Variants in CTNNA2 observed in about 807,000 individuals in gnomAD.
CTNNA2 encodes the protein catenin alpha 2.
In CTNNA2, 42 loss-of-function variants were observed where a neutral mutation model predicts 101.0. The observed-to-expected ratio is 0.42, with a 90% CI of 0.32 to 0.54. The LOEUF (loss-of-function observed/expected upper bound fraction) is 0.54, where lower values mean the gene tolerates loss of function less well. CTNNA2 is among the 20% of genes least tolerant of loss of function. The pLI is 0.14. For missense variants in CTNNA2, 871 were observed against 1,223.1 expected (o/e 0.71, Z 4.29); for synonymous variants, 450 against 456.4 (o/e 0.99, Z 0.18).
intron 2 of CTNNA2, among the ~76,000 whole-genome samples, chr2:79,692,424 A>T (rs1443702386): frequency 2.0e-5 from 3 of 152,194 alleles, no homozygotes; most frequent in Non-Finnish European, 4.4e-5. Flanking sequence ...GGTTGGTAGA[A>T]GTATAAATTA....
chr2:80,593,591 AC>A (rs1218430066), intron 15 of CTNNA2, among the ~76,000 whole-genome samples: 1 of 151,844 alleles, frequency 6.6e-6, no homozygotes, highest in Non-Finnish European at 1.5e-5. Context: ...AACCATTACC[AC>A]CCTCCATCTC....
chr2:79,365,493 G>C (rs886739360), intron 3 of CTNNA2, among the ~76,000 whole-genome samples: 2 of 151,480 alleles, frequency 1.3e-5, no homozygotes, highest in African/African-American at 4.9e-5. Context: ...AGGTGTGGTG[G>C]TGCATGCCTG....
chr2:80,260,652 T>C (rs1245269313), intron 7 of CTNNA2, among the ~76,000 whole-genome samples: 2 of 152,170 alleles, frequency 1.3e-5, no homozygotes, highest in Non-Finnish European at 2.9e-5. Flanking sequence ...CCAAGATGCA[T>C]GGATAGGCCA....
At chr2:80,022,793 A>C (rs1694661279) in intron 7 of CTNNA2, among the ~76,000 whole-genome samples, 1 of 152,152 alleles carries the variant, frequency 6.6e-6, no homozygotes, top group Non-Finnish European at 1.5e-5. Flanking sequence ...TGGAGGCAAG[A>C]GAGATTAGTC....
In CTNNA2 at chr2:79,215,887, G is replaced by T. The variant is rs559837975; in HGVS notation, c.-406+17811G>T. On this transcript the variant is annotated intron_variant, in intron 2 of 21. Coordinates refer to the CTNNA2 transcript ENST00000466387. The stretch of plus-strand genomic sequence containing the variant: ...AAGAATTATGACCTAGCTCGGCCTT[G>T]CGAGGAAGGGAGAGGTCAGATGGGT... Among the ~76,000 whole-genome samples, 83 of 152,212 alleles carry T rather than the reference G, an allele frequency of 5.5e-4. 1 individual carries two copies. Among genetic ancestry groups the T allele is most frequent in the African/African-American group, 1.9e-3 (80 of 41,540 alleles).
At chr2:79,768,231 A>G (rs1673303720) in intron 3 of CTNNA2, among the ~76,000 whole-genome samples, 1 of 151,640 alleles carries the variant, frequency 6.6e-6, no homozygotes, top group African/African-American at 2.4e-5. Context: ...TCCCAGTGCC[A>G]GAGGTGCTCT....
At chr2:80,630,858 T>C (rs1478524660) in intron 18 of CTNNA2, among the ~76,000 whole-genome samples, 3 of 152,182 alleles carry the variant, frequency 2.0e-5, no homozygotes, top group Non-Finnish European at 2.9e-5. Flanking sequence ...TTGAAATTAG[T>C]GCTGGGTGAG....
intron 3 of CTNNA2, among the ~76,000 whole-genome samples, chr2:79,837,892 G>A (rs1365756439): frequency 6.6e-6 from 1 of 151,840 alleles, no homozygotes; most frequent in Non-Finnish European, 1.5e-5. Flanking sequence ...TTCCAAACAT[G>A]GCTTATTTTA....
intron 7 of CTNNA2, among the ~76,000 whole-genome samples, chr2:80,206,587 T>C (rs1167327832): frequency 6.6e-6 from 1 of 152,286 alleles, no homozygotes; most frequent in Admixed American, 6.5e-5. Context: ...CTACATATAG[T>C]GCGGGCAGGG....
intron 1 of CTNNA2, among the ~76,000 whole-genome samples, chr2:79,579,537 A>G (rs1392658527): frequency 1.3e-5 from 2 of 152,174 alleles, no homozygotes; most frequent in African/African-American, 2.4e-5. Context: ...TAAAATATAA[A>G]TGTATTTGCT....
intron 2 of CTNNA2, among the ~76,000 whole-genome samples, chr2:79,236,912 A>G (rs570242544): frequency 6.6e-6 from 1 of 152,114 alleles, no homozygotes; most frequent in East Asian, 1.9e-4. Flanking sequence ...GAAATATTGA[A>G]CTCCTCAAGG....
At chr2:80,435,964 C>T (rs919923781) in intron 9 of CTNNA2, among the ~76,000 whole-genome samples, 15 of 152,142 alleles carry the variant, frequency 9.9e-5, no homozygotes, top group African/African-American at 2.9e-4. Flanking sequence ...ATTTCTCTCC[C>T]AATTCTCTGC....
chr2:80,193,867 A>T (rs189449811), intron 7 of CTNNA2, among the ~76,000 whole-genome samples: 1 of 152,318 alleles, frequency 6.6e-6, no homozygotes, highest in Admixed American at 6.5e-5. Context: ...TGAGGACAGG[A>T]TCTGAATGTT....
At chr2:80,419,660 G>A (rs1201345838) in intron 9 of CTNNA2, 59 bp downstream of exon 9, 2 of 1,524,322 alleles carry the variant, frequency 1.3e-6, no homozygotes, top group East Asian at 4.6e-5. Flanking sequence ...TCTGCATATG[G>A]CTCTTAGAAT....
At chr2:80,280,195 A>T (rs564194269) in intron 7 of CTNNA2, among the ~76,000 whole-genome samples, 132 of 149,552 alleles carry the variant, frequency 8.8e-4, no homozygotes, top group Non-Finnish European at 1.4e-3. Flanking sequence ...AATTATTATT[A>T]TTGGCACCAG....
chr2:79,909,086 A>T (rs1483954478), intron 6 of CTNNA2, among the ~76,000 whole-genome samples: 1 of 152,252 alleles, frequency 6.6e-6, no homozygotes, highest in Non-Finnish European at 1.5e-5. Flanking sequence ...ACCTGTACTG[A>T]ATATGCCTGT....
At chr2:80,547,554 A>C (rs555029444) in intron 11 of CTNNA2, among the ~76,000 whole-genome samples, 33 of 152,142 alleles carry the variant, frequency 2.2e-4, no homozygotes, top group African/African-American at 7.7e-4. Context: ...CCAATCTCTA[A>C]TCCCTTTCAG....
At chr2:79,262,742 T>C (rs2104288868) in intron 2 of CTNNA2, among the ~76,000 whole-genome samples, 1 of 152,304 alleles carries the variant, frequency 6.6e-6, no homozygotes, top group South Asian at 2.1e-4. Flanking sequence ...TTCTGACACC[T>C]ACTGAGATTT....
At chr2:80,164,072 A>T (rs543926207) in intron 7 of CTNNA2, among the ~76,000 whole-genome samples, 1 of 151,752 alleles carries the variant, frequency 6.6e-6, no homozygotes, top group Non-Finnish European at 1.5e-5. Flanking sequence ...TATAGAGAGC[A>T]TATAGTTGGA....
Sources: gnomAD v4.1 joint callset for allele counts (sites outside exome capture counted in the v4.1 genomes callset) on GRCh38, gnomAD v4.1.1 for gene constraint, MANE v1.5 for transcripts, NCBI Gene and HGNC (gene_info 2026-07-23, HGNC 2026-07-21) for gene names.